JPH3: variants seen among roughly 807,000 people sequenced by gnomAD.
The protein encoded by JPH3 is junctophilin 3.
Under a neutral mutation model 59.6 loss-of-function variants are expected in JPH3, and 11 were observed. The observed-to-expected ratio is 0.18, with a 90% CI of 0.12 to 0.31. The LOEUF is 0.31. Among genes scored for constraint, JPH3 ranks in the 10% least tolerant of loss-of-function variants. The pLI is 1.00. For synonymous variants in JPH3, 673 were observed against 483.6 expected (o/e 1.39, Z -5.14); for missense variants, 1,202 against 1,105.7 (o/e 1.09, Z -1.24).
chr16:87,659,434 A>G (rs1174906395), intron 2 of JPH3, among the ~76,000 whole-genome samples: 1 of 150,782 alleles, frequency 6.6e-6, no homozygotes, highest in East Asian at 2.0e-4. Context: ...CATAAAATGT[A>G]TGATTTTGGC....
intron 2 of JPH3, among the ~76,000 whole-genome samples, chr16:87,682,458 T>C (rs1214204839): frequency 6.6e-6 from 1 of 152,096 alleles, no homozygotes; most frequent in Non-Finnish European, 1.5e-5. Context: ...GTGATGGGGC[T>C]GAGGACTGAG....
intron 2 of JPH3, among the ~76,000 whole-genome samples, chr16:87,657,187 C>T (rs1410191075): frequency 6.6e-6 from 1 of 152,012 alleles, no homozygotes; most frequent in Non-Finnish European, 1.5e-5. Context: ...TCTCAAGCAA[C>T]AGTAATAAAT....
At chr16:87,636,268 C>T (rs943945788) in intron 1 of JPH3, among the ~76,000 whole-genome samples, 8 of 152,220 alleles carry the variant, frequency 5.3e-5, no homozygotes, top group East Asian at 1.9e-4. Flanking sequence ...CCTGCATCTG[C>T]GCCGTTCAGC....
At position 87,682,194 on chromosome 16, in the gene JPH3, ACT is replaced by A. The variant is rs1423074409; in HGVS notation, c.1161-1943_1161-1942del. Reference sequence around the variant, plus strand: ...CGTGTTCTTGGCTGTGGTTTATATTACTCTCTGTATGTAAATGTCATAGGTTT... The same window carrying A: ...CGTGTTCTTGGCTGTGGTTTATATTACTCTGTATGTAAATGTCATAGGTTT... On this transcript the variant is annotated intron_variant, in intron 2 of 4. Coordinates refer to ENST00000284262, the MANE Select transcript of JPH3 (RefSeq NM_020655.4). 2.6e-5 allele frequency among the ~76,000 whole-genome samples: 4 copies of A among 151,334 alleles called. No homozygotes were observed. In the East Asian group the frequency reaches 5.8e-4, roughly 22 times the overall value.
intron 1 of JPH3, among the ~76,000 whole-genome samples, chr16:87,612,910 C>T (rs2030784968): frequency 6.6e-6 from 1 of 151,568 alleles, no homozygotes; most frequent in African/African-American, 2.4e-5. Flanking sequence ...CCTGTAGTCC[C>T]AGCTACTCTG....
In JPH3 at chr16:87,644,612, G is replaced by C. The variant is rs979266176; in HGVS notation, c.737G>C (p.Ser246Thr). The C allele has an allele frequency of 1.2e-6, 2 of 1,612,568 alleles. No individual in the cohort carries two copies. The highest frequency in any genetic ancestry group is 2.7e-5 in the African/African-American group (2 of 74,926). The change falls in exon 2 of 5, where the codon AGC (serine) becomes ACC (threonine). Residue 246 changes from serine (S) to threonine (T), a missense_variant. Physicochemically the swap from Ser to Thr is moderately conservative, Grantham distance 58 (BLOSUM62 1). Transcript: ENST00000284262. ...SQRSKQSSFRSEAGMSTVSST... is the reference protein window; with the variant it reads ...SQRSKQSSFRTEAGMSTVSST... ...CGCAGCAAGCAGAGCTCCTTTCGCA[G>C]CGAGGCGGGCATGAGCACCGTCAGC...
chr16:87,691,627 C>T (rs565274357), intron 4 of JPH3, among the ~76,000 whole-genome samples: 9 of 152,258 alleles, frequency 5.9e-5, no homozygotes, highest in South Asian at 4.1e-4. Context: ...GGGGTCACCG[C>T]GTGACACCCC....
intron 2 of JPH3, among the ~76,000 whole-genome samples, chr16:87,681,257 C>G (rs1375438107): frequency 6.9e-6 from 1 of 145,450 alleles, no homozygotes; most frequent in African/African-American, 2.6e-5. Context: ...TCCAGAAGGT[C>G]ACGTGCGCGC....
At position 87,689,824 on chromosome 16, in the gene JPH3, G is replaced by C. The variant is rs558535738; in HGVS notation, c.1464G>C (p.Pro488=). 6.4e-7 allele frequency: 1 copy of C among 1,559,398 alleles called. No individual in the cohort carries two copies. Among genetic ancestry groups the C allele is most frequent in the South Asian group, 1.2e-5 (1 of 85,552 alleles). ...QSFPTSPAAT[P]PPAPAARNKV... The stretch of plus-strand genomic sequence containing the variant: ...TCCCCACCAGCCCCGCGGCCACCCC[G>C]CCGCCCGCGCCCGCCGCCAGGAACA... The change falls in exon 4 of 5, where the codon CCG becomes CCC. Residue 488 remains proline, a synonymous_variant. Coordinates refer to ENST00000284262, the MANE Select transcript of JPH3 (RefSeq NM_020655.4).
intron 2 of JPH3, among the ~76,000 whole-genome samples, chr16:87,681,992 GGGGGT>G (rs2033307572): frequency 6.6e-6 from 1 of 152,134 alleles, no homozygotes; most frequent in Admixed American, 6.5e-5. Context: ...GCTTGTGGCG[GGGGGT>G]CATGCAGAAA....
At chr16:87,604,393 C>T (rs932576762) in intron 1 of JPH3, 2 of 1,426,760 alleles carry the variant, frequency 1.4e-6, no homozygotes, top group Non-Finnish European at 1.9e-6. Context: ...CTGGACTCTC[C>T]GATATCCACT....
intron 3 of JPH3, among the ~76,000 whole-genome samples, chr16:87,688,609 G>A (rs1193870943): frequency 1.3e-5 from 2 of 152,060 alleles, no homozygotes; most frequent in African/African-American, 2.4e-5. Flanking sequence ...TGAGGTGGCC[G>A]CCCCGGGTAG....
chr16:87,665,569 G>A (rs1365337343), intron 2 of JPH3, among the ~76,000 whole-genome samples: 1 of 152,240 alleles, frequency 6.6e-6, no homozygotes, highest in Non-Finnish European at 1.5e-5. Context: ...TGCTGAGACA[G>A]GCCTAGAGGC....
intron 1 of JPH3, among the ~76,000 whole-genome samples, chr16:87,603,831 C>T (rs767752231): frequency 2.0e-5 from 3 of 152,186 alleles, no homozygotes; most frequent in Non-Finnish European, 4.4e-5. Context: ...CGGGAAGGGC[C>T]AGGCTGGGCC....
intron 2 of JPH3, among the ~76,000 whole-genome samples, chr16:87,682,968 G>T (rs1356635608): frequency 6.6e-6 from 1 of 152,288 alleles, no homozygotes; most frequent in Admixed American, 6.5e-5. Flanking sequence ...CAGGTCCCCT[G>T]CAGGACTCAG....
chr16:87,676,953 C>T lies in JPH3; in HGVS notation c.1161-7189C>T, dbSNP rs147095517. 3.5e-3 allele frequency among the ~76,000 whole-genome samples: 538 copies of T among 151,692 alleles called. 20 individuals are homozygous for T. The highest frequency in any genetic ancestry group is 0.013 in the African/African-American group (516 of 41,110). The stretch of plus-strand genomic sequence containing the variant: ...TGGGGAGGCTGAAGTGGGCGGATCA[C>T]GAGGTCAGGAGATCGAAACCATGGT... On this transcript the variant is annotated intron_variant, in intron 2 of 4. Transcript: ENST00000284262.
intron 2 of JPH3, among the ~76,000 whole-genome samples, chr16:87,652,831 G>A (rs1416901255): frequency 6.6e-6 from 1 of 152,208 alleles, no homozygotes. Flanking sequence ...ATGCAGCCTT[G>A]ACTGGGCATG....
intron 2 of JPH3, among the ~76,000 whole-genome samples, chr16:87,657,735 C>A (rs1434532402): frequency 3.3e-5 from 5 of 152,192 alleles, no homozygotes; most frequent in African/African-American, 9.7e-5. Context: ...CACAGGAAGA[C>A]CATGAGCTGG....
chr16:87,669,014 G>A (rs1260897380), intron 2 of JPH3, among the ~76,000 whole-genome samples: 2 of 152,196 alleles, frequency 1.3e-5, no homozygotes, highest in Admixed American at 1.3e-4. Flanking sequence ...CGAGGCCTGT[G>A]GTAGCCCTGC....
Sources: allele counts gnomAD v4.1 joint callset (sites outside exome capture counted in the v4.1 genomes callset), GRCh38; gene constraint gnomAD v4.1.1; transcripts MANE v1.5; gene names NCBI Gene and HGNC (gene_info 2026-07-23, HGNC 2026-07-21).